The following MTRR variants were observed in gnomAD, a reference collection of about 807,000 sequenced individuals.
The protein encoded by MTRR is 5-methyltetrahydrofolate-homocysteine methyltransferase reductase.
A neutral mutation model predicts 79.2 loss-of-function variants in MTRR; 63 were observed. That is an observed-to-expected ratio of 0.80 (90% CI 0.65 to 0.98). The LOEUF (loss-of-function observed/expected upper bound fraction) is 0.98, where lower values mean the gene tolerates loss of function less well. Among genes scored for constraint, MTRR ranks in the 50% least tolerant of loss-of-function variants. The pLI, the probability that MTRR is intolerant of heterozygous loss-of-function variation, is 0.00. For missense variants in MTRR, 895 were observed against 839.6 expected (o/e 1.07, Z -0.82); for synonymous variants, 355 against 313.3 (o/e 1.13, Z -1.41).
At chr5:7,882,658 TAATG>T (rs989438978) in intron 5 of MTRR, among the ~76,000 whole-genome samples, 5 of 152,190 alleles carry the variant, frequency 3.3e-5, no homozygotes, top group Non-Finnish European at 7.4e-5. Flanking sequence ...AAATTTAAAT[TAATG>T]AACATTTGTT....
chr5:7,881,498 G>C (rs1040093314), intron 5 of MTRR, among the ~76,000 whole-genome samples: 1 of 152,034 alleles, frequency 6.6e-6, no homozygotes, highest in African/African-American at 2.4e-5. Context: ...AGAGTTCAAG[G>C]GAATCTGGGT....
chr5:7,872,330 G>T, intron 2 of MTRR: 1 of 383,156 alleles, frequency 2.6e-6, no homozygotes, highest in Non-Finnish European at 5.1e-6. Flanking sequence ...TGTTCTATTT[G>T]AAATACTTAA....
At chr5:7,856,513 C>T (rs954002396) in intron 1 of MTRR, among the ~76,000 whole-genome samples, 2 of 152,052 alleles carry the variant, frequency 1.3e-5, no homozygotes, top group Admixed American at 6.6e-5. Context: ...ACACGTGTAC[C>T]AATAACAATA....
chr5:7,883,475 C>T (rs1735915133), intron 6 of MTRR, among the ~76,000 whole-genome samples, 198 bp downstream of exon 6: 1 of 136,812 alleles, frequency 7.3e-6, no homozygotes, highest in Non-Finnish European at 1.6e-5. Flanking sequence ...GTTACATATG[C>T]TGAGTTGTGT....
chr5:7,869,197 C>A lies in MTRR; in HGVS notation c.-44C>A. ...GGAAGTCGCGTTGTGCAGGTTCGTGCCCGGCTGGCGCGGCGTGGGTAAGCT... is the reference window on the plus strand; with the variant it reads ...GGAAGTCGCGTTGTGCAGGTTCGTGACCGGCTGGCGCGGCGTGGGTAAGCT... On this transcript the variant is annotated 5_prime_UTR_variant, in exon 1 of 15. Coordinates refer to ENST00000440940, the MANE Select transcript of MTRR (RefSeq NM_002454.3). 1 of 1,609,490 alleles carries A rather than the reference C, an allele frequency of 6.2e-7. No individual in the cohort carries two copies.
At chr5:7,852,740 G>GTT (rs34596253) in intron 1 of MTRR, among the ~76,000 whole-genome samples, 2 of 148,806 alleles carry the variant, frequency 1.3e-5, no homozygotes, top group African/African-American at 2.5e-5. Flanking sequence ...AGCCAAATAT[G>GTT]TTTTTTTTTT....
intron 1 of MTRR, among the ~76,000 whole-genome samples, chr5:7,854,944 A>G (rs1354425661): frequency 1.3e-5 from 2 of 152,210 alleles, no homozygotes; most frequent in Non-Finnish European, 2.9e-5. Flanking sequence ...ATCATTCCCA[A>G]GGCATTCAAG....
intron 1 of MTRR, chr5:7,861,537 G>T: frequency 3.0e-6 from 4 of 1,345,348 alleles, no homozygotes; most frequent in Admixed American, 2.5e-5. Context: ...CTGCTTATTA[G>T]CCTCAACGAG....
In MTRR at chr5:7,879,726, G is replaced by A. The variant is rs372455558; in HGVS notation, c.780+1404G>A. On this transcript the variant is annotated intron_variant, in intron 5 of 14. Coordinates refer to ENST00000440940, the MANE Select transcript of MTRR (RefSeq NM_002454.3). ...TGGGCACAGTGAGAAGCTGAGCTGC[G>A]ATGCAGTCTCAACAAAGGCCTCAGT... 1.6e-3 allele frequency among the ~76,000 whole-genome samples: 245 copies of A among 152,296 alleles called. 1 individual carries two copies. Among genetic ancestry groups the A allele is most frequent in the African/African-American group, 5.7e-3 (239 of 41,566 alleles).
intron 1 of MTRR, among the ~76,000 whole-genome samples, chr5:7,852,842 G>A (rs1330419377): frequency 2.0e-5 from 3 of 152,040 alleles, no homozygotes; most frequent in Admixed American, 6.5e-5. Context: ...GATTTTGTAA[G>A]CTTTGCATTG....
chr5:7,892,351 A>G (rs1377205135), intron 10 of MTRR, among the ~76,000 whole-genome samples: 1 of 152,194 alleles, frequency 6.6e-6, no homozygotes, highest in Admixed American at 6.5e-5. Context: ...TTCAAGTTTT[A>G]TGATCTTACC....
At position 7,879,462 on chromosome 5, in the gene MTRR, CAAAAAA is replaced by C. The variant is rs35558077; in HGVS notation, c.780+1158_780+1163del. 1.7e-4 allele frequency among the ~76,000 whole-genome samples: 15 copies of C among 88,566 alleles called. No homozygotes were observed. In the South Asian group the frequency reaches 4.4e-3, roughly 26 times the overall value. The allele number at this position is 88,566 out of a possible 152,430, so 58.1% of individuals were successfully genotyped here. A position where few individuals can be genotyped will look rare whatever the true frequency, so the allele number is the denominator to read the frequency against. On this transcript the variant is annotated intron_variant, in intron 5 of 14. Transcript: ENST00000440940. ...TGAGCGACAGAGTAAGACTCCGTCT[CAAAAAA>C]AAAAAAAAAAAAAAAAAGTTTCTGG...
chr5:7,887,428 G>C (rs1736673027), intron 8 of MTRR, among the ~76,000 whole-genome samples: 1 of 151,560 alleles, frequency 6.6e-6, no homozygotes, highest in Non-Finnish European at 1.5e-5. Flanking sequence ...GTTGTAATTA[G>C]GCCGCCATCT....
Position 7,892,882 on chromosome 5 carries a change from A to G in MTRR, c.1526A>G (p.His509Arg), listed in dbSNP as rs923228298. ...CTTCAGCCAAACATACATGCATCCC[A>G]TGAAGACAGCGGGAAAGCCCTGGCT... Reference protein sequence around the residue: ...SVLQPNIHASHEDSGKALAPK... With the variant: ...SVLQPNIHASREDSGKALAPK... The change falls in exon 11 of 15, where the codon CAT (histidine) becomes CGT (arginine). Residue 509 changes from histidine (H) to arginine (R), a missense_variant. Coordinates refer to ENST00000440940, the MANE Select transcript of MTRR (RefSeq NM_002454.3). The G allele has an allele frequency of 5.0e-6, 8 of 1,614,128 alleles. No individual in the cohort carries two copies. Among genetic ancestry groups the G allele is most frequent in the African/African-American group, 4.0e-5 (3 of 74,946 alleles).
At chr5:7,869,135 T>G (rs745868755), upstream of MTRR, 6 of 1,613,456 alleles carry the variant, frequency 3.7e-6, no homozygotes, top group Admixed American at 5.0e-5. Context: ...GTACCGAGCA[T>G]GGGCGCTGCG....
chr5:7,879,541 A>G (rs1239625609), intron 5 of MTRR, among the ~76,000 whole-genome samples: 1 of 151,998 alleles, frequency 6.6e-6, no homozygotes, highest in East Asian at 1.9e-4. Flanking sequence ...AGTTGTTAAT[A>G]ATGTAGTTAA....
At chr5:7,865,388 C>T (rs1746870063), upstream of MTRR, among the ~76,000 whole-genome samples, 1 of 152,098 alleles carries the variant, frequency 6.6e-6, no homozygotes, top group Admixed American at 6.5e-5. Flanking sequence ...TGTGCTATTT[C>T]TGATTCTACA....
chr5:7,867,965 C>T (rs759658836), upstream of MTRR: 5 of 1,614,036 alleles, frequency 3.1e-6, no homozygotes, highest in Admixed American at 6.7e-5. Context: ...AGGGCACAGA[C>T]GCTCCTTGAC....
chr5:7,877,986 A>G lies in MTRR; in HGVS notation c.444A>G (p.Pro148=). 1 of 1,613,702 alleles carries G rather than the reference A, an allele frequency of 6.2e-7. No individual in the cohort carries two copies. Among genetic ancestry groups the G allele is most frequent in the East Asian group, 2.2e-5 (1 of 44,820 alleles). The part of the protein sequence containing the change: ...VVEPWIAGLW[P]ALRKHFRSSR... ...AGCCGTGGATTGCTGGACTCTGGCC[A>G]GCCCTCAGAAAGCATTTTAGGTCAA... The change falls in exon 5 of 15, where the codon CCA becomes CCG. Residue 148 remains proline, a synonymous_variant. Transcript: ENST00000440940.
Sources: allele counts gnomAD v4.1 joint callset (sites outside exome capture counted in the v4.1 genomes callset), GRCh38; gene constraint gnomAD v4.1.1; transcripts MANE v1.5; gene names NCBI Gene and HGNC (gene_info 2026-07-23, HGNC 2026-07-21).